ZMYND12: variants seen among roughly 807,000 people sequenced by gnomAD.
ZMYND12 encodes zinc finger MYND domain-containing protein 12.
In ZMYND12, 32 loss-of-function variants were observed where a neutral mutation model predicts 41.7. That is an observed-to-expected ratio of 0.77 (90% CI 0.58 to 1.03). The LOEUF (loss-of-function observed/expected upper bound fraction) is 1.03. ZMYND12 is among the 50% of genes least tolerant of loss of function. The pLI is 0.00. For synonymous variants in ZMYND12, 148 were observed against 164.8 expected (o/e 0.90, Z 0.78); for missense variants, 424 against 438.5 (o/e 0.97, Z 0.30).
At chr1:42,451,533 A>T (rs1318127435) in intron 1 of ZMYND12, among the ~76,000 whole-genome samples, 1 of 152,178 alleles carries the variant, frequency 6.6e-6, no homozygotes, top group African/African-American at 2.4e-5. Flanking sequence ...GAGCTATAGG[A>T]TCTCTGTTGC....
At chr1:42,444,150 A>G (rs1642998225) in intron 3 of ZMYND12, among the ~76,000 whole-genome samples, 2 of 152,196 alleles carry the variant, frequency 1.3e-5, no homozygotes, top group African/African-American at 4.8e-5. Context: ...GGTGGGAGTC[A>G]CCATGCCTGG....
chr1:42,436,683 T>C, intron 4 of ZMYND12, 140 bp from the exon 5 acceptor site: 1 of 1,021,318 alleles, frequency 9.8e-7, no homozygotes, highest in Non-Finnish European at 1.4e-6. Flanking sequence ...GAATTGACAT[T>C]TCTCCAAAAA....
intron 7 of ZMYND12, among the ~76,000 whole-genome samples, chr1:42,431,781 T>C (rs922465977): frequency 6.6e-6 from 1 of 152,206 alleles, no homozygotes; most frequent in African/African-American, 2.4e-5. Context: ...CCTACCCCTA[T>C]CCCAGGTAGG....
intron 3 of ZMYND12, among the ~76,000 whole-genome samples, chr1:42,447,310 C>G (rs1048781311): frequency 6.6e-6 from 1 of 152,224 alleles, no homozygotes; most frequent in Non-Finnish European, 1.5e-5. Context: ...TGAGTCCCAT[C>G]ATTAGGAAAT....
intron 3 of ZMYND12, among the ~76,000 whole-genome samples, chr1:42,445,431 TAA>T (rs573648674): frequency 3.5e-4 from 37 of 106,630 alleles, no homozygotes; most frequent in Admixed American, 5.0e-4. Flanking sequence ...GGACTCCGTC[TAA>T]AAAAAAAAAA....
chr1:42,440,847 T>G (rs1323157441), intron 3 of ZMYND12, among the ~76,000 whole-genome samples: 1 of 152,106 alleles, frequency 6.6e-6, no homozygotes, highest in Non-Finnish European at 1.5e-5. Flanking sequence ...TTTGTATTTT[T>G]AGTAGAGACA....
chr1:42,445,105 G>A (rs1229547362), intron 3 of ZMYND12, among the ~76,000 whole-genome samples: 2 of 150,704 alleles, frequency 1.3e-5, no homozygotes, highest in Admixed American at 1.3e-4. Flanking sequence ...ACCGTGCCCG[G>A]CCAGAAAGGG....
chr1:42,448,944 C>T (rs887380868), intron 2 of ZMYND12, among the ~76,000 whole-genome samples: 3 of 152,166 alleles, frequency 2.0e-5, no homozygotes, highest in East Asian at 1.9e-4. Context: ...TCTAATAAAA[C>T]TTTACTTTAG....
At chr1:42,454,166 A>G (rs1303721931) in intron 1 of ZMYND12, among the ~76,000 whole-genome samples, 1 of 152,228 alleles carries the variant, frequency 6.6e-6, no homozygotes, top group Non-Finnish European at 1.5e-5. Context: ...TTAGCAAATT[A>G]GAACTTCAGT....
chr1:42,435,075 A>T (rs1305509425), intron 6 of ZMYND12, among the ~76,000 whole-genome samples, 199 bp downstream of exon 6: 1 of 151,996 alleles, frequency 6.6e-6, no homozygotes, highest in Admixed American at 6.6e-5. Context: ...GCTATGTGTG[A>T]TGATAGGGAT....
chr1:42,439,693 G>A (rs769771545), intron 4 of ZMYND12, among the ~76,000 whole-genome samples, 163 bp downstream of exon 4: 4 of 152,082 alleles, frequency 2.6e-5, no homozygotes, highest in East Asian at 1.9e-4. Flanking sequence ...AACTCGGGTC[G>A]GTAGAATTGT....
chr1:42,444,260 A>G (rs1449137805), intron 3 of ZMYND12, among the ~76,000 whole-genome samples: 1 of 152,176 alleles, frequency 6.6e-6, no homozygotes, highest in African/African-American at 2.4e-5. Context: ...GAGAGCTCTG[A>G]GTGAGGAAGA....
At chr1:42,433,944 T>G (rs547436609) in intron 6 of ZMYND12, among the ~76,000 whole-genome samples, 7 of 152,208 alleles carry the variant, frequency 4.6e-5, no homozygotes, top group Non-Finnish European at 8.8e-5. Context: ...TATCTTTGGA[T>G]ATCTATGATT....
At chr1:42,447,813 G>A (rs1057485235) in intron 3 of ZMYND12, among the ~76,000 whole-genome samples, 5 of 152,186 alleles carry the variant, frequency 3.3e-5, no homozygotes, top group South Asian at 2.1e-4. Flanking sequence ...ACCATGTAGG[G>A]TATCTGCTAA....
chr1:42,430,547 C>G lies in ZMYND12; in HGVS notation c.*189G>C, dbSNP rs1329063236. On this transcript the variant is annotated 3_prime_UTR_variant, in exon 8 of 8. Coordinates refer to ENST00000372565, the MANE Select transcript of ZMYND12 (RefSeq NM_032257.5). ...TGACAAACACAGTTTTTAGTGATTTCTATGCCTAAAGCTTTATATTCCCTT... is the reference window on the plus strand; with the variant it reads ...TGACAAACACAGTTTTTAGTGATTTGTATGCCTAAAGCTTTATATTCCCTT... 1.6e-6 allele frequency: 1 copy of G among 631,084 alleles called. No individual in the cohort carries two copies. Among genetic ancestry groups the G allele is most frequent in the East Asian group, 2.7e-5 (1 of 36,552 alleles). The allele number at this position is 631,084 out of a possible 1,614,324, so 39.1% of individuals were successfully genotyped here.
intron 5 of ZMYND12, 85 bp from the exon 6 acceptor site, chr1:42,435,470 C>G: frequency 9.4e-7 from 1 of 1,068,916 alleles, no homozygotes; most frequent in Non-Finnish European, 1.4e-6. Flanking sequence ...GCGCATTTGG[C>G]CGGGCTTCTG....
chr1:42,439,713 A>G (rs1002943987), intron 4 of ZMYND12, 143 bp downstream of exon 4: 2 of 885,268 alleles, frequency 2.3e-6, no homozygotes, highest in African/African-American at 3.4e-5. Flanking sequence ...TGTTATGGCT[A>G]ACATCCCACC....
intron 3 of ZMYND12, among the ~76,000 whole-genome samples, chr1:42,444,120 C>T (rs1025102696): frequency 2.6e-5 from 4 of 152,102 alleles, no homozygotes; most frequent in Non-Finnish European, 4.4e-5. Context: ...ATTTCGACTT[C>T]CCGAAGTGCT....
intron 3 of ZMYND12, among the ~76,000 whole-genome samples, chr1:42,442,529 T>C (rs1173640471): frequency 6.6e-6 from 1 of 152,122 alleles, no homozygotes; most frequent in Non-Finnish European, 1.5e-5. Context: ...GCTTGACTCC[T>C]GGGGAAATTT....
Sources: allele counts gnomAD v4.1 joint callset (sites outside exome capture counted in the v4.1 genomes callset), GRCh38; gene constraint gnomAD v4.1.1; transcripts MANE v1.5; gene names NCBI Gene and HGNC (gene_info 2026-07-23, HGNC 2026-07-21).